TRA2B: variants seen among roughly 807,000 people sequenced by gnomAD.
The protein encoded by TRA2B is transformer-2 protein homolog beta.
A neutral mutation model predicts 41.7 loss-of-function variants in TRA2B; 14 were observed. That is an observed-to-expected ratio of 0.34 (90% CI 0.22 to 0.53). The LOEUF (loss-of-function observed/expected upper bound fraction) is 0.53, where lower values mean the gene tolerates loss of function less well. TRA2B is among the 20% of genes least tolerant of loss of function. TRA2B has a pLI of 0.95. For synonymous variants in TRA2B, 130 were observed against 128.8 expected, an observed-to-expected ratio of 1.01 and a Z score of -0.06; for missense variants, 167 against 396.8, an observed-to-expected ratio of 0.42 and a Z score of 4.92.
chr3:185,936,655 G>T, intron 1 of TRA2B: 1 of 983,556 alleles, frequency 1.0e-6, no homozygotes, highest in Non-Finnish European at 1.2e-6. Flanking sequence ...TACCAACAAG[G>T]GGAAACTTAG....
intron 1 of TRA2B, chr3:185,927,441 CCA>C (rs1432586472): frequency 9.2e-5 from 14 of 152,194 alleles, no homozygotes; most frequent in African/African-American, 3.4e-4. Flanking sequence ...CAGAGATCCT[CCA>C]CAGCTTCTCC....
Position 185,921,214 on chromosome 3 carries a change from C to A in TRA2B, c.639-27G>T, listed in dbSNP as rs902924719. On this transcript the variant is annotated intron_variant, in intron 5 of 8. Transcript: ENST00000453386. ...TATGAAGAAAAAAATATTCAGGTGA[C>A]CTCCCTTATCTTTCTGGACATGAGT... is the stretch of plus-strand genomic sequence containing the variant. 6 of 1,600,488 alleles carry A rather than the reference C, an allele frequency of 3.7e-6. No homozygotes were observed. In the African/African-American group the frequency reaches 8.0e-5, roughly 21 times the overall value.
At chr3:185,919,624 T>G in intron 6 of TRA2B, 128 bp from the exon 7 acceptor site, 1 of 717,482 alleles carries the variant, frequency 1.4e-6, no homozygotes, top group Non-Finnish European at 2.2e-6. Context: ...TCAAGTGATT[T>G]GCCACCCTTT....
chr3:185,920,096 T>C (rs1233433542), intron 6 of TRA2B, among the ~76,000 whole-genome samples: 1 of 152,204 alleles, frequency 6.6e-6, no homozygotes, highest in Non-Finnish European at 1.5e-5. Flanking sequence ...ATGATTGACA[T>C]TTCCCTACCC....
intron 1 of TRA2B, chr3:185,934,381 A>T: frequency 1.0e-6 from 1 of 985,398 alleles, no homozygotes; most frequent in Non-Finnish European, 1.2e-6. Context: ...CACTTCCCCC[A>T]CCACCTGAAT....
At chr3:185,932,159 A>C (rs1035961841) in intron 1 of TRA2B, among the ~76,000 whole-genome samples, 1 of 152,102 alleles carries the variant, frequency 6.6e-6, no homozygotes, top group African/African-American at 2.4e-5. Flanking sequence ...CACACTTCTT[A>C]TTATATTCAA....
chr3:185,923,739 A>AT (rs1448747347), intron 4 of TRA2B, 57 bp downstream of exon 4: 35 of 1,487,010 alleles, frequency 2.4e-5, no homozygotes, highest in Non-Finnish European at 3.1e-5. Flanking sequence ...TTGGTCACTG[A>AT]TAACTTGGCG....
chr3:185,935,401 T>C (rs928099399), intron 1 of TRA2B: 3 of 985,322 alleles, frequency 3.0e-6, no homozygotes, highest in Non-Finnish European at 3.6e-6. Context: ...ACCAGTTCTT[T>C]AAATGTCATT....
intron 5 of TRA2B, among the ~76,000 whole-genome samples, chr3:185,921,468 A>G (rs893278620): frequency 6.6e-6 from 1 of 152,196 alleles, no homozygotes; most frequent in African/African-American, 2.4e-5. Context: ...ACTTTGCTCT[A>G]TTTAAGAAAA....
At chr3:185,937,388 T>TG in intron 1 of TRA2B, 1 of 1,001,594 alleles carries the variant, frequency 1.0e-6, no homozygotes, top group African/African-American at 1.7e-5. Context: ...CGCGGCCCGC[T>TG]GCGGGTCGGG....
intron 1 of TRA2B, among the ~76,000 whole-genome samples, chr3:185,930,353 A>G (rs1744103566): frequency 6.6e-6 from 1 of 152,128 alleles, no homozygotes; most frequent in Non-Finnish European, 1.5e-5. Flanking sequence ...TAGTTTATCT[A>G]TGGCAAGAAA....
At chr3:185,921,904 G>A (rs552790556) in intron 5 of TRA2B, 107 bp downstream of exon 5, 4 of 696,786 alleles carry the variant, frequency 5.7e-6, no homozygotes, top group Admixed American at 3.0e-5. Context: ...TCAATCAACA[G>A]TCAAGTTTAT....
chr3:185,921,399 C>CTGT (rs1743728767), intron 5 of TRA2B, among the ~76,000 whole-genome samples: 1 of 152,128 alleles, frequency 6.6e-6, no homozygotes, highest in Non-Finnish European at 1.5e-5. Context: ...GCACACAGAT[C>CTGT]CTGCCAGAGG....
At position 185,937,961 on chromosome 3, in the gene TRA2B, G is replaced by A. The variant is rs1047300161; in HGVS notation, c.-101C>T. On this transcript the variant is annotated 5_prime_UTR_variant, in exon 1 of 9. Transcript: ENST00000453386. ...CCGCCGCAGCCCCGCACGACGCGCC[G>A]GTCGCCCAGCCGCTCAGAGCCGAAA... is the stretch of plus-strand genomic sequence containing the variant. The A allele has an allele frequency of 2.8e-5, 41 of 1,456,152 alleles. No individual in the cohort carries two copies. Among genetic ancestry groups the A allele is most frequent in the African/African-American group, 7.0e-5 (5 of 71,550 alleles). The allele number at this position is 1,456,152 out of a possible 1,614,324, so 90.2% of individuals were successfully genotyped here.
intron 1 of TRA2B, chr3:185,936,794 G>GA: frequency 5.1e-6 from 5 of 984,806 alleles, no homozygotes; most frequent in Non-Finnish European, 6.0e-6. Flanking sequence ...TCGTATGTTC[G>GA]CATCATTCAA....
chr3:185,934,648 C>G, intron 1 of TRA2B: 1 of 985,282 alleles, frequency 1.0e-6, no homozygotes, highest in Non-Finnish European at 1.2e-6. Context: ...GGCTGCAATT[C>G]TTTAGAAAGA....
intron 1 of TRA2B, chr3:185,937,394 T>C: frequency 3.0e-6 from 3 of 1,002,554 alleles, no homozygotes; most frequent in Non-Finnish European, 3.6e-6. Context: ...CCGCTGCGGG[T>C]CGGGTCCGCG....
chr3:185,924,824 CAA>C (rs1011903012), intron 3 of TRA2B: 1 of 152,092 alleles, frequency 6.6e-6, no homozygotes, highest in Non-Finnish European at 1.5e-5. Context: ...AAAAAGATGA[CAA>C]GAGGAAAGAA....
chr3:185,926,859 G>C, intron 1 of TRA2B, 125 bp from the exon 2 acceptor site: 3 of 1,166,932 alleles, frequency 2.6e-6, no homozygotes, highest in Middle Eastern at 5.6e-4. Flanking sequence ...TATAGGTAAG[G>C]GCAGGAACTG....
Sources: allele counts gnomAD v4.1 joint callset (sites outside exome capture counted in the v4.1 genomes callset), GRCh38; gene constraint gnomAD v4.1.1; transcripts MANE v1.5; gene names NCBI Gene and HGNC (gene_info 2026-07-23, HGNC 2026-07-21).